Variants in NIPSNAP3B observed in about 807,000 individuals in gnomAD.
NIPSNAP3B encodes the protein nipsnap homolog 3B, also known as protein NipSnap homolog 3B.
In NIPSNAP3B, 30 loss-of-function variants were observed where a neutral mutation model predicts 31.5. The ratio of observed to expected loss-of-function variants is 0.95; its 90% CI spans 0.71 to 1.29. NIPSNAP3B has a LOEUF of 1.29. Among genes scored for constraint, NIPSNAP3B ranks in the 50% most tolerant of loss-of-function variants. The probability of loss-of-function intolerance (pLI) is 0.00; values close to 1 mark genes in which losing one functional copy is unlikely to be tolerated. For synonymous variants in NIPSNAP3B, 106 were observed against 107.9 expected, an observed-to-expected ratio of 0.98 and a Z score of 0.11; for missense variants, 269 against 300.7, an observed-to-expected ratio of 0.89 and a Z score of 0.78.
rs1828347437 is a variant in NIPSNAP3B at position 104,776,814 on chromosome 9, C to T, written c.*3741C>T. Among the ~76,000 whole-genome samples the T allele has an allele frequency of 6.6e-6, 1 of 152,154 alleles. No individual in the cohort carries two copies. The highest frequency in any genetic ancestry group is 2.1e-4 in the South Asian group (1 of 4,830). On this transcript the variant is annotated 3_prime_UTR_variant, in exon 6 of 6. Transcript: ENST00000374762. ...CAAGGGTTTTTGTTTTCATTATTGTCATATTACCTGTGCCTGGCATGTGAT... is the reference window on the plus strand; with the variant it reads ...CAAGGGTTTTTGTTTTCATTATTGTTATATTACCTGTGCCTGGCATGTGAT...
Position 104,776,004 on chromosome 9 carries a change from A to G in NIPSNAP3B, c.*2931A>G, listed in dbSNP as rs765370734. Among the ~76,000 whole-genome samples, 1 of 152,096 alleles carries G rather than the reference A, an allele frequency of 6.6e-6. No homozygotes were observed. Among genetic ancestry groups the G allele is most frequent in the Non-Finnish European group, 1.5e-5 (1 of 68,004 alleles). On this transcript the variant is annotated 3_prime_UTR_variant, in exon 6 of 6. Coordinates refer to ENST00000374762, the MANE Select transcript of NIPSNAP3B (RefSeq NM_018376.4). ...CTCTGCTCTCAACCCTATTTTCAAC[A>G]TAGCAGTCAGAATAATCTAAAATAT...
intron 4 of NIPSNAP3B, chr9:104,771,237 C>T (rs13439932): frequency 0.025 from 9,243 of 370,316 alleles, 634 homozygotes; most frequent in East Asian, 0.23. Context: ...ATTTTAGGTT[C>T]ACGGGGTACA....
At chr9:104,780,857 TC>T (rs1828497194), downstream of NIPSNAP3B, 1 of 152,456 alleles carries the variant, frequency 6.6e-6, no homozygotes, top group African/African-American at 2.4e-5. Context: ...TTTCAAGTAG[TC>T]CCCTCAGTTC....
intron 3 of NIPSNAP3B, among the ~76,000 whole-genome samples, chr9:104,770,006 A>T (rs1217331236): frequency 6.6e-6 from 1 of 152,124 alleles, no homozygotes; most frequent in East Asian, 1.9e-4. Context: ...TCTCCCATAA[A>T]CTCAACTTTG....
chr9:104,782,446 G>A (rs1189206099), downstream of NIPSNAP3B: 1 of 152,060 alleles, frequency 6.6e-6, no homozygotes, highest in East Asian at 1.9e-4. Flanking sequence ...AGTTAGTAAT[G>A]ATATTGAAAG....
Position 104,776,477 on chromosome 9 carries a change from G to A in NIPSNAP3B, c.*3404G>A, listed in dbSNP as rs1381456565. The stretch of plus-strand genomic sequence containing the variant: ...GTGAGTTAGTTTTAGATGAGGTCAT[G>A]TGGGTAATAGAATTAGTGCATTTAT... On this transcript the variant is annotated 3_prime_UTR_variant, in exon 6 of 6. Transcript: ENST00000374762. Among the ~76,000 whole-genome samples, 1 of 152,174 alleles carries A rather than the reference G, an allele frequency of 6.6e-6. No individual in the cohort carries two copies. Among genetic ancestry groups the A allele is most frequent in the Non-Finnish European group, 1.5e-5 (1 of 68,036 alleles).
At chr9:104,779,146 G>A (rs901599722), downstream of NIPSNAP3B, among the ~76,000 whole-genome samples, 2 of 152,112 alleles carry the variant, frequency 1.3e-5, no homozygotes, top group Non-Finnish European at 2.9e-5. Flanking sequence ...TTCTGAGCAT[G>A]TCACTCCTCA....
chr9:104,788,412 G>C, the NIPSNAP3B span: 2 of 1,614,066 alleles, frequency 1.2e-6, no homozygotes, highest in East Asian at 4.5e-5. Flanking sequence ...CTGGCTTTCA[G>C]GTGCCCACAG....
At chr9:104,772,301 A>G (rs1322364018) in intron 4 of NIPSNAP3B, among the ~76,000 whole-genome samples, 1 of 93,164 alleles carries the variant, frequency 1.1e-5, no homozygotes, top group African/African-American at 4.0e-5. Flanking sequence ...TGTCTTTGTC[A>G]TTCAAAATTA....
At chr9:104,781,652 A>G (rs1159890078), downstream of NIPSNAP3B, 1 of 152,642 alleles carries the variant, frequency 6.6e-6, no homozygotes, top group Non-Finnish European at 1.5e-5. Flanking sequence ...TTGTTTTTTA[A>G]CAATGAATTG....
In NIPSNAP3B at chr9:104,773,796, A is replaced by G. The variant is rs1219394951; in HGVS notation, c.*723A>G. ...GGACATTTATTTGTTTTAAAGAAAT[A>G]TTTATGGTTATGGAAACGCTTGCCC... On this transcript the variant is annotated 3_prime_UTR_variant, in exon 6 of 6. Transcript: ENST00000374762. 1.3e-5 allele frequency: 2 copies of G among 152,176 alleles called. No individual in the cohort carries two copies. Among genetic ancestry groups the G allele is most frequent in the Admixed American group, 1.3e-4 (2 of 15,288 alleles). 9.4% of individuals were successfully genotyped at this position (152,176 alleles called of 1,614,324 possible).
chr9:104,784,411 T>C, the NIPSNAP3B span: 1 of 1,614,148 alleles, frequency 6.2e-7, no homozygotes, highest in East Asian at 2.2e-5. Flanking sequence ...AGAGGTCTTT[T>C]AAGTGGTCAT....
the NIPSNAP3B span, among the ~76,000 whole-genome samples, chr9:104,789,797 T>TA: frequency 6.6e-6 from 1 of 152,102 alleles, no homozygotes; most frequent in Non-Finnish European, 1.5e-5. Flanking sequence ...TCTCTCCACA[T>TA]AATAAGTCCA....
chr9:104,770,755 C>T, intron 3 of NIPSNAP3B, 94 bp from the exon 4 acceptor site: 1 of 1,074,408 alleles, frequency 9.3e-7, no homozygotes, highest in Non-Finnish European at 1.4e-6. Context: ...TATCCTCTAA[C>T]TTCATTGGTT....
downstream of NIPSNAP3B, among the ~76,000 whole-genome samples, chr9:104,779,550 T>A (rs1349694257): frequency 6.6e-6 from 1 of 151,870 alleles, no homozygotes; most frequent in African/African-American, 2.4e-5. Context: ...TTTTACCTCA[T>A]AGGGCAGGTG....
At position 104,766,345 on chromosome 9, in the gene NIPSNAP3B, G is replaced by C. The variant is rs183514449; in HGVS notation, c.81G>C (p.Thr27=). ...TTCAGGTGTGTTCATCTTTTGCTAC[G>C]GGCCCTAGACAATACGATGGAACGT... ...LAPQVCSSFA[T]GPRQYDGTFY... is the part of the protein sequence containing the mutation. The change falls in exon 2 of 6, where the codon ACG becomes ACC. Residue 27 remains threonine, a synonymous_variant. Coordinates refer to ENST00000374762, the MANE Select transcript of NIPSNAP3B (RefSeq NM_018376.4). 6.2e-7 allele frequency: 1 copy of C among 1,613,128 alleles called. No homozygotes were observed. Among genetic ancestry groups the C allele is most frequent in the Admixed American group, 1.7e-5 (1 of 59,978 alleles).
At chr9:104,764,401 T>G (rs969773002) in intron 1 of NIPSNAP3B, 101 bp downstream of exon 1, 1 of 1,052,404 alleles carries the variant, frequency 9.5e-7, no homozygotes. Flanking sequence ...CTCCCAGACC[T>G]GGGGCCCCGC....
chr9:104,764,341 G>C (rs1007680739), intron 1 of NIPSNAP3B, 41 bp downstream of exon 1: 3 of 1,507,466 alleles, frequency 2.0e-6, no homozygotes, highest in Non-Finnish European at 2.7e-6. Context: ...GGCCGGAGGG[G>C]AGGGGAGGGG....
At chr9:104,779,290 C>T (rs556331676), downstream of NIPSNAP3B, among the ~76,000 whole-genome samples, 1 of 152,298 alleles carries the variant, frequency 6.6e-6, no homozygotes, top group South Asian at 2.1e-4. Context: ...AATATAAATT[C>T]ATTAGAGCAG....
Sources: gnomAD v4.1 joint callset for allele counts (sites outside exome capture counted in the v4.1 genomes callset) on GRCh38, gnomAD v4.1.1 for gene constraint, MANE v1.5 for transcripts, NCBI Gene and HGNC (gene_info 2026-07-23, HGNC 2026-07-21) for gene names.